Variants in DIP2C observed in about 807,000 individuals in gnomAD.
DIP2C encodes the protein DIP2 acetate--CoA ligase C (putative), also known as disco-interacting protein 2 homolog C.
DIP2C carries 33 observed loss-of-function variants against 192.4 expected under a neutral mutation model. The observed-to-expected ratio is 0.17, with a 90% confidence interval of 0.13 to 0.23. DIP2C has a LOEUF of 0.23. Ranked by LOEUF, DIP2C falls within the 10% of genes least tolerant of loss-of-function variation. The pLI, the probability that DIP2C is intolerant of heterozygous loss-of-function variation, is 1.00. For synonymous variants in DIP2C, 979 were observed against 864.1 expected, an observed-to-expected ratio of 1.13 and a Z score of -2.33; for missense variants, 1,537 against 2,110.1, an observed-to-expected ratio of 0.73 and a Z score of 5.32.
chr10:644,832 C>T (rs1190059001), intron 1 of DIP2C, among the ~76,000 whole-genome samples: 1 of 152,280 alleles, frequency 6.6e-6, no homozygotes, highest in Admixed American at 6.5e-5. Flanking sequence ...TGAAACACGG[C>T]CCCTGGGCCT....
At chr10:386,044 T>A (rs999612864) in intron 14 of DIP2C, among the ~76,000 whole-genome samples, 1 of 152,174 alleles carries the variant, frequency 6.6e-6, no homozygotes, top group African/African-American at 2.4e-5. Flanking sequence ...GCAGGCAGGC[T>A]GGCACCACCA....
chr10:404,837 C>T (rs1205985136), intron 9 of DIP2C, among the ~76,000 whole-genome samples: 1 of 152,210 alleles, frequency 6.6e-6, no homozygotes. Context: ...TAAGCCACAA[C>T]CAATTATTTC....
chr10:679,719 C>A (rs1449830300), intron 1 of DIP2C, among the ~76,000 whole-genome samples: 1 of 151,708 alleles, frequency 6.6e-6, no homozygotes, highest in African/African-American at 2.4e-5. Context: ...ATGCTCCCTG[C>A]ATCCGTCCTC....
chr10:581,165 A>AC (rs1326162871), intron 1 of DIP2C, among the ~76,000 whole-genome samples: 1 of 151,986 alleles, frequency 6.6e-6, no homozygotes, highest in African/African-American at 2.4e-5. Flanking sequence ...GACATCCCCC[A>AC]CCTGGCCACT....
chr10:337,049 G>GGTGTGTGTGTGTGT (rs148004134), intron 29 of DIP2C, among the ~76,000 whole-genome samples: 1,247 of 37,914 alleles, frequency 0.033, 279 homozygotes, highest in Middle Eastern at 0.083. Flanking sequence ...GGCCTAGACT[G>GGTGTGTGTGTGTGT]GTGTGTGTGT....
intron 1 of DIP2C, among the ~76,000 whole-genome samples, chr10:638,398 G>A (rs1036394243): frequency 2.6e-5 from 4 of 152,098 alleles, no homozygotes; most frequent in African/African-American, 7.2e-5. Flanking sequence ...TGGCTCCTTC[G>A]TGCTGACAGC....
At position 617,277 on chromosome 10, in the gene DIP2C, C is replaced by T. The variant is rs112769776; in HGVS notation, c.85+72217G>A. 8.5e-3 allele frequency among the ~76,000 whole-genome samples: 1,276 copies of T among 149,266 alleles called. 13 individuals carry two copies. The highest frequency in any genetic ancestry group is 0.03 in the African/African-American group (1,223 of 40,946). On this transcript the variant is annotated intron_variant, in intron 1 of 36. Transcript: ENST00000280886. The stretch of plus-strand genomic sequence containing the variant: ...AAACTTGGGGGACTGCAAATAGCAG[C>T]GGGGTAAGAGCTGGGCTCTAGGGCC...
At chr10:674,830 A>AGAGAGAGAGAGAGAGAGG (rs1830818198) in intron 1 of DIP2C, among the ~76,000 whole-genome samples, 1 of 144,878 alleles carries the variant, frequency 6.9e-6, no homozygotes, top group African/African-American at 2.6e-5. Context: ...AGAGAGAGAG[A>AGAGAGAGAGAGAGAGAGG]CCAACACAAC....
intron 1 of DIP2C, among the ~76,000 whole-genome samples, chr10:505,695 G>A (rs528864805): frequency 1.4e-4 from 19 of 134,560 alleles, no homozygotes; most frequent in African/African-American, 4.5e-4. Flanking sequence ...TGCCCCTGAC[G>A]CCACAGGAGA....
chr10:616,305 A>C (rs1191672903), intron 1 of DIP2C, among the ~76,000 whole-genome samples: 4 of 152,260 alleles, frequency 2.6e-5, no homozygotes, highest in African/African-American at 9.6e-5. Context: ...GACAAGCATG[A>C]ATGAAAACTT....
intron 29 of DIP2C, among the ~76,000 whole-genome samples, chr10:337,391 C>CT: frequency 1.5e-5 from 1 of 67,234 alleles, no homozygotes; most frequent in South Asian, 5.6e-4. Flanking sequence ...GTGTGTGTGT[C>CT]GTGGAGGCCT....
chr10:378,539 G>A (rs1364966116), intron 17 of DIP2C, among the ~76,000 whole-genome samples: 5 of 151,620 alleles, frequency 3.3e-5, no homozygotes, highest in Non-Finnish European at 7.4e-5. Context: ...AAAGACACAT[G>A]TGAACACATG....
intron 31 of DIP2C, chr10:311,659 G>A (rs7895529): frequency 0.12 from 125,654 of 1,072,286 alleles, 9,050 homozygotes; most frequent in African/African-American, 0.26. Context: ...CATACGACCC[G>A]ACAGTGAAAA....
intron 1 of DIP2C, among the ~76,000 whole-genome samples, chr10:676,318 G>A (rs1165106273): frequency 6.6e-6 from 1 of 152,076 alleles, no homozygotes; most frequent in African/African-American, 2.4e-5. Flanking sequence ...ACTGAACGGG[G>A]AAACACTAAG....
intron 1 of DIP2C, among the ~76,000 whole-genome samples, chr10:510,294 C>T (rs1845924532): frequency 6.6e-6 from 1 of 152,226 alleles, no homozygotes; most frequent in African/African-American, 2.4e-5. Context: ...CAGACTTCAA[C>T]ACACCTTGCC....
intron 29 of DIP2C, 132 bp from the exon 30 acceptor site, chr10:329,733 A>G (rs1365987611): frequency 1.7e-6 from 2 of 1,183,542 alleles, no homozygotes; most frequent in Non-Finnish European, 2.3e-6. Context: ...CATCTGTAGA[A>G]GGGCACAGTA....
chr10:459,254 A>G (rs1462307898), intron 3 of DIP2C, among the ~76,000 whole-genome samples: 1 of 151,826 alleles, frequency 6.6e-6, no homozygotes, highest in Non-Finnish European at 1.5e-5. Context: ...CTCAGGAGAC[A>G]AAGAGTCAAC....
intron 3 of DIP2C, among the ~76,000 whole-genome samples, chr10:457,272 A>AT (rs1258705190): frequency 6.6e-6 from 1 of 151,926 alleles, no homozygotes; most frequent in Non-Finnish European, 1.5e-5. Context: ...TGTGGACTTA[A>AT]TTTTTTCTAA....
intron 2 of DIP2C, among the ~76,000 whole-genome samples, chr10:480,695 C>T (rs1025824288): frequency 4.6e-5 from 7 of 152,210 alleles, no homozygotes; most frequent in Admixed American, 1.3e-4. Flanking sequence ...GCGCCTAAGA[C>T]GAGGAATGCG....
Sources: gnomAD v4.1 joint callset for allele counts (sites outside exome capture counted in the v4.1 genomes callset) on GRCh38, gnomAD v4.1.1 for gene constraint, MANE v1.5 for transcripts, NCBI Gene and HGNC (gene_info 2026-07-23, HGNC 2026-07-21) for gene names.